Variants in LYN observed in about 807,000 individuals in gnomAD.
LYN encodes the protein LYN proto-oncogene, Src family tyrosine kinase.
LYN carries 12 observed loss-of-function variants against 65.0 expected under a neutral mutation model. The observed-to-expected ratio is 0.18, with a 90% CI of 0.12 to 0.30. The LOEUF (loss-of-function observed/expected upper bound fraction) is 0.30, where lower values mean the gene tolerates loss of function less well. LYN is among the 10% of genes least tolerant of loss of function. The pLI, the probability that LYN is intolerant of heterozygous loss-of-function variation, is 1.00. For missense variants in LYN, 380 were observed against 623.2 expected (o/e 0.61, Z 4.16); for synonymous variants, 222 against 221.2 (o/e 1.00, Z -0.03).
intron 3 of LYN, among the ~76,000 whole-genome samples, chr8:55,946,872 G>T (rs1338719163): frequency 2.0e-5 from 3 of 152,162 alleles, no homozygotes; most frequent in Non-Finnish European, 4.4e-5. Context: ...ATTTCACTTA[G>T]CCTGATGTCC....
At chr8:56,002,544 G>C (rs1808545917) in intron 12 of LYN, among the ~76,000 whole-genome samples, 1 of 151,656 alleles carries the variant, frequency 6.6e-6, no homozygotes, top group African/African-American at 2.4e-5. Flanking sequence ...AGAGGTTGCA[G>C]TGAGCCAAGA....
chr8:55,941,974 A>G lies in LYN; in HGVS notation c.115A>G (p.Asn39Asp). The G allele has an allele frequency of 6.2e-7, 1 of 1,613,700 alleles. No homozygotes were observed. Reference protein sequence around the residue: ...RTIYVRDPTSNKQQRPVPESQ... With the variant: ...RTIYVRDPTSDKQQRPVPESQ... ...TATTTATGTGAGAGATCCAACGTCCAATAAACAGCAAAGGCCAGTAAGTAG... is the reference window on the plus strand; with the variant it reads ...TATTTATGTGAGAGATCCAACGTCCGATAAACAGCAAAGGCCAGTAAGTAG... The change falls in exon 2 of 13, where the codon AAT (asparagine) becomes GAT (aspartate). Residue 39 changes from asparagine (N) to aspartate (D), a missense_variant. Coordinates refer to ENST00000519728, the MANE Select transcript of LYN (RefSeq NM_002350.4).
chr8:55,956,303 G>A (rs1346432232), intron 8 of LYN, among the ~76,000 whole-genome samples: 4 of 152,052 alleles, frequency 2.6e-5, no homozygotes, highest in East Asian at 3.9e-4. Flanking sequence ...TATTATTGCC[G>A]TTGACCACCT....
intron 12 of LYN, among the ~76,000 whole-genome samples, chr8:56,004,394 A>G (rs1294183219): frequency 1.3e-5 from 2 of 151,468 alleles, no homozygotes; most frequent in Non-Finnish European, 2.9e-5. Context: ...CCCAGGTTCA[A>G]GCAATGCTCC....
rs1473650502 is a variant in LYN, at chr8:55,950,762, T to A, written c.465T>A (p.Ile155=). 1 of 1,612,562 alleles carries A rather than the reference T, an allele frequency of 6.2e-7. No individual in the cohort carries two copies. The highest frequency in any genetic ancestry group is 1.7e-5 in the Admixed American group (1 of 60,030). ...GAAATAGCGCTGGAGCTTTCCTTAT[T>A]AGAGAAAGTGAAACATTAAAAGGTA... The part of the protein sequence containing the change: ...APGNSAGAFL[I]RESETLKGSF... The change falls in exon 6 of 13, where the codon ATT becomes ATA. Residue 155 remains isoleucine, a synonymous_variant. Coordinates refer to ENST00000519728, the MANE Select transcript of LYN (RefSeq NM_002350.4).
Position 55,887,575 on chromosome 8 carries a change from TAC to T in LYN, c.-6+7500_-6+7501del, listed in dbSNP as rs372547745. On this transcript the variant is annotated intron_variant, in intron 1 of 12. Coordinates refer to ENST00000519728, the MANE Select transcript of LYN (RefSeq NM_002350.4). ...AAATATAAATATATATATATATATA[TAC>T]ACACACACACACACACACACACACA... Among the ~76,000 whole-genome samples the T allele has an allele frequency of 7.3e-3, 681 of 93,446 alleles. 7 individuals carry two copies. Among genetic ancestry groups the T allele is most frequent in the Middle Eastern group, 0.028 (6 of 214 alleles). The allele number at this position is 93,446 out of a possible 152,430, so 61.3% of individuals were successfully genotyped here.
intron 1 of LYN, among the ~76,000 whole-genome samples, chr8:55,932,398 A>G (rs1333770731): frequency 7.2e-6 from 1 of 139,564 alleles, no homozygotes; most frequent in Non-Finnish European, 1.6e-5. Context: ...CTTTTAAAAC[A>G]ATTATATATA....
intron 4 of LYN, among the ~76,000 whole-genome samples, chr8:55,949,728 CT>C (rs1290962273): frequency 2.0e-5 from 3 of 152,156 alleles, no homozygotes; most frequent in Non-Finnish European, 4.4e-5. Flanking sequence ...CTCCTGGCTT[CT>C]TTTCTTTGTC....
intron 3 of LYN, 29 bp downstream of exon 3, chr8:55,946,522 T>G (rs766757650): frequency 2.0e-6 from 3 of 1,482,016 alleles, no homozygotes; most frequent in Middle Eastern, 4.1e-4. Context: ...ATAGTTAAAA[T>G]TTTTTTTCTT....
At chr8:55,906,199 G>A (rs1805412489) in intron 1 of LYN, among the ~76,000 whole-genome samples, 1 of 152,098 alleles carries the variant, frequency 6.6e-6, no homozygotes, top group African/African-American at 2.4e-5. Flanking sequence ...ATCGGGGTTG[G>A]TTGTGAAAGA....
intron 2 of LYN, among the ~76,000 whole-genome samples, chr8:55,945,532 G>A (rs536674514): frequency 6.6e-6 from 1 of 152,230 alleles, no homozygotes; most frequent in African/African-American, 2.4e-5. Context: ...AAACTGTTTT[G>A]GTCCCATTCT....
chr8:55,995,557 A>G (rs1808351100), intron 10 of LYN, among the ~76,000 whole-genome samples: 1 of 152,170 alleles, frequency 6.6e-6, no homozygotes, highest in Admixed American at 6.5e-5. Context: ...AATTGTGGAC[A>G]GGTAGTCAGG....
chr8:55,925,102 C>T (rs1235049462), intron 1 of LYN, among the ~76,000 whole-genome samples: 2 of 151,610 alleles, frequency 1.3e-5, no homozygotes, highest in Non-Finnish European at 1.5e-5. Context: ...GGATTACAGG[C>T]GTGAGCCACC....
intron 1 of LYN, among the ~76,000 whole-genome samples, chr8:55,918,684 G>A (rs557304564): frequency 1.3e-5 from 2 of 152,150 alleles, no homozygotes; most frequent in African/African-American, 4.8e-5. Context: ...ATGGCCTTGC[G>A]GGGTAGGGGG....
At chr8:55,911,098 T>TATATATATATATATATACACACAC (rs1162508957) in intron 1 of LYN, among the ~76,000 whole-genome samples, 1 of 11,692 alleles carries the variant, frequency 8.6e-5, no homozygotes, top group African/African-American at 3.4e-4. Flanking sequence ...TATATATATA[T>TATATATATATATATATACACACAC]ACATACACGT....
At chr8:55,933,072 C>A (rs1222023246) in intron 1 of LYN, among the ~76,000 whole-genome samples, 1 of 152,128 alleles carries the variant, frequency 6.6e-6, no homozygotes, top group African/African-American at 2.4e-5. Context: ...TTGCAACATA[C>A]CCATGTAACA....
At position 55,904,392 on chromosome 8, in the gene LYN, A is replaced by G. The variant is rs113034219; in HGVS notation, c.-6+24289A>G. Among the ~76,000 whole-genome samples the G allele has an allele frequency of 1.8e-3, 276 of 152,318 alleles. 6 individuals are homozygous for G. The highest frequency in any genetic ancestry group is 6.2e-3 in the African/African-American group (258 of 41,568). ...ACTAAACTTTACTGAACACCAGCAA[A>G]TGTATTTACAATCCTGGGTTCTATT... On this transcript the variant is annotated intron_variant, in intron 1 of 12. Coordinates refer to ENST00000519728, the MANE Select transcript of LYN (RefSeq NM_002350.4).
intron 1 of LYN, among the ~76,000 whole-genome samples, chr8:55,901,520 G>T (rs1805263184): frequency 6.6e-6 from 1 of 152,168 alleles, no homozygotes; most frequent in Admixed American, 6.5e-5. Flanking sequence ...AACTACTTCT[G>T]GTGGTTTCCC....
At chr8:55,919,020 T>TCC (rs1805860036) in intron 1 of LYN, among the ~76,000 whole-genome samples, 1 of 18,720 alleles carries the variant, frequency 5.3e-5, no homozygotes, top group Admixed American at 6.5e-4. Flanking sequence ...ACCCTGTCTC[T>TCC]ACAAAAAAAA....
Sources: gnomAD v4.1 joint callset for allele counts (sites outside exome capture counted in the v4.1 genomes callset) on GRCh38, gnomAD v4.1.1 for gene constraint, MANE v1.5 for transcripts, NCBI Gene and HGNC (gene_info 2026-07-23, HGNC 2026-07-21) for gene names.